Variants in CIB4 observed in about 807,000 individuals in gnomAD.
CIB4 encodes the protein calcium and integrin-binding family member 4.
In CIB4, 25 loss-of-function variants were observed where a neutral mutation model predicts 25.8. The observed-to-expected ratio is 0.97, with a 90% CI of 0.71 to 1.35. CIB4 has a LOEUF of 1.35. CIB4 is among the 40% of genes most tolerant of loss of function. The pLI is 0.00. For synonymous variants in CIB4, 75 were observed against 81.4 expected (o/e 0.92, Z 0.42); for missense variants, 235 against 228.2 (o/e 1.03, Z -0.19).
chr2:26,594,326 A>T (rs955861901), intron 4 of CIB4, among the ~76,000 whole-genome samples: 17 of 152,308 alleles, frequency 1.1e-4, no homozygotes, highest in Admixed American at 9.2e-4. Context: ...AAAAAATATT[A>T]AGTCCTTTTT....
At chr2:26,608,579 T>C (rs979307484) in intron 3 of CIB4, among the ~76,000 whole-genome samples, 8 of 152,174 alleles carry the variant, frequency 5.3e-5, no homozygotes, top group Admixed American at 5.2e-4. Flanking sequence ...GGCAGAGACA[T>C]GACACCAGAT....
chr2:26,612,911 T>C (rs972595236), intron 3 of CIB4, among the ~76,000 whole-genome samples: 2 of 151,276 alleles, frequency 1.3e-5, no homozygotes, highest in Non-Finnish European at 2.9e-5. Flanking sequence ...CTCTGGGTTT[T>C]CTGCCACCTG....
intron 2 of CIB4, 130 bp from the exon 3 acceptor site, chr2:26,629,636 G>A (rs901468701): frequency 3.1e-6 from 2 of 655,090 alleles, no homozygotes; most frequent in Non-Finnish European, 5.5e-6. Context: ...AAGGAGACTT[G>A]GGGTTGGCTG....
chr2:26,595,897 G>GCGCACACA (rs1491112511), intron 3 of CIB4, among the ~76,000 whole-genome samples: 1 of 32,108 alleles, frequency 3.1e-5, no homozygotes, highest in African/African-American at 5.2e-5. Context: ...TTATCTGCGC[G>GCGCACACA]CACACACACA....
At chr2:26,612,349 A>G (rs1295522657) in intron 3 of CIB4, among the ~76,000 whole-genome samples, 1 of 152,248 alleles carries the variant, frequency 6.6e-6, no homozygotes, top group Non-Finnish European at 1.5e-5. Flanking sequence ...TAGAGCATCT[A>G]TGTCTGTACC....
chr2:26,591,285 A>T (rs1220048574), intron 4 of CIB4, among the ~76,000 whole-genome samples: 1 of 152,206 alleles, frequency 6.6e-6, no homozygotes, highest in African/African-American at 2.4e-5. Flanking sequence ...TGGGTGAGAA[A>T]ACAGAAGGGA....
Position 26,589,080 on chromosome 2 carries a change from CT to C in CIB4, c.329-5183del, listed in dbSNP as rs1558554958. On this transcript the variant is annotated intron_variant, in intron 4 of 6. Transcript: ENST00000288861. ...TCTTCCTCTTCCTCTTCCTCTTCTT[CT>C]TCTTCTTCTTCTTCTTCTTCTTCTT... Among the ~76,000 whole-genome samples, 158 of 86,390 alleles carry C rather than the reference CT, an allele frequency of 1.8e-3. 21 individuals carry two copies. The highest frequency in any genetic ancestry group is 0.01 in the African/African-American group (149 of 14,632). 56.7% of individuals were successfully genotyped at this position (86,390 alleles called of 152,430 possible). A position where few individuals can be genotyped will look rare whatever the true frequency, so the allele number is the denominator to read the frequency against.
chr2:26,597,918 C>CA (rs546891473), intron 3 of CIB4, among the ~76,000 whole-genome samples: 11,124 of 121,742 alleles, frequency 0.091, 697 homozygotes, highest in African/African-American at 0.19. Context: ...TGCCTGGTGC[C>CA]AAAAAAAAAA....
At chr2:26,594,053 TA>T (rs1399727158) in intron 4 of CIB4, among the ~76,000 whole-genome samples, 1 of 152,002 alleles carries the variant, frequency 6.6e-6, no homozygotes, top group East Asian at 1.9e-4. Context: ...ACCTTCAGGA[TA>T]AAAAAGTTAA....
intron 3 of CIB4, among the ~76,000 whole-genome samples, chr2:26,614,838 A>G (rs1396128652): frequency 6.6e-6 from 1 of 152,218 alleles, no homozygotes; most frequent in Non-Finnish European, 1.5e-5. Flanking sequence ...CGGGAAGTGG[A>G]GCAACTTGCC....
At chr2:26,586,269 C>T (rs903424430) in intron 4 of CIB4, among the ~76,000 whole-genome samples, 5 of 152,234 alleles carry the variant, frequency 3.3e-5, no homozygotes, top group African/African-American at 1.2e-4. Context: ...CTCACTCTGC[C>T]TCCTTGCTCA....
chr2:26,601,614 A>G (rs1363018704), intron 3 of CIB4, among the ~76,000 whole-genome samples: 2 of 152,126 alleles, frequency 1.3e-5, no homozygotes, highest in Non-Finnish European at 2.9e-5. Flanking sequence ...GGGGGCAAAG[A>G]CTGTTTAACA....
chr2:26,608,392 A>G (rs1049348969), intron 3 of CIB4, among the ~76,000 whole-genome samples: 6 of 152,230 alleles, frequency 3.9e-5, no homozygotes, highest in Non-Finnish European at 8.8e-5. Context: ...TCTGAGTCCC[A>G]CAGGGAATTT....
chr2:26,583,742 C>A (rs377592731), intron 5 of CIB4, 47 bp downstream of exon 5: 2 of 1,286,690 alleles, frequency 1.6e-6, no homozygotes, highest in Admixed American at 3.4e-5. Context: ...GACAACCTGG[C>A]CCCTATCCCC....
chr2:26,629,282 C>T (rs1287836209), intron 3 of CIB4, 128 bp downstream of exon 3: 3 of 648,128 alleles, frequency 4.6e-6, no homozygotes, highest in Non-Finnish European at 8.3e-6. Flanking sequence ...GGATCAGGAG[C>T]CCCTTGGAGT....
chr2:26,592,904 C>T lies in CIB4; in HGVS notation c.328+2272G>A, dbSNP rs149410203. ...ATGATTATTGTGATGATTAATGGTA[C>T]GTGTCAATTTGACTGAGCTAAGGTT... On this transcript the variant is annotated intron_variant, in intron 4 of 6. Transcript: ENST00000288861. Among the ~76,000 whole-genome samples the T allele has an allele frequency of 1.5e-3, 224 of 152,282 alleles. 1 individual carries two copies. Among genetic ancestry groups the T allele is most frequent in the African/African-American group, 5.1e-3 (210 of 41,550 alleles).
chr2:26,613,064 C>G (rs1343899494), intron 3 of CIB4, among the ~76,000 whole-genome samples: 2 of 152,164 alleles, frequency 1.3e-5, no homozygotes, highest in Non-Finnish European at 2.9e-5. Context: ...AGGGGACTTT[C>G]AGCAGATGCA....
chr2:26,594,561 C>G (rs2148196421), intron 4 of CIB4, among the ~76,000 whole-genome samples: 1 of 152,302 alleles, frequency 6.6e-6, no homozygotes, highest in Admixed American at 6.5e-5. Context: ...AAGACTTGCA[C>G]CTGGTTTGTT....
intron 4 of CIB4, 25 bp downstream of exon 4, chr2:26,595,151 C>G: frequency 6.3e-7 from 1 of 1,593,678 alleles, no homozygotes; most frequent in Non-Finnish European, 8.6e-7. Context: ...CCACCCCTCA[C>G]CCCTCAGTCC....
Sources: allele counts gnomAD v4.1 joint callset (sites outside exome capture counted in the v4.1 genomes callset), GRCh38; gene constraint gnomAD v4.1.1; transcripts MANE v1.5; gene names NCBI Gene and HGNC (gene_info 2026-07-23, HGNC 2026-07-21).